Variants in LRRTM4 observed in about 807,000 individuals in gnomAD.
The protein encoded by LRRTM4 is leucine rich repeat transmembrane neuronal 4.
LRRTM4 carries 25 observed loss-of-function variants against 47.6 expected under a neutral mutation model. The ratio of observed to expected loss-of-function variants is 0.53; its 90% CI spans 0.38 to 0.73. The LOEUF is 0.73. Among genes scored for constraint, LRRTM4 ranks in the 30% least tolerant of loss-of-function variants. The pLI is 0.00. For missense variants in LRRTM4, 638 were observed against 713.4 expected (o/e 0.89, Z 1.20); for synonymous variants, 311 against 269.5 (o/e 1.15, Z -1.51).
At chr2:77,267,710 G>T (rs1009189727) in intron 3 of LRRTM4, among the ~76,000 whole-genome samples, 4 of 128,242 alleles carry the variant, frequency 3.1e-5, no homozygotes, top group Non-Finnish European at 5.0e-5. Context: ...ATTTTTTTTT[G>T]ATAATGCTCC....
At chr2:77,437,819 C>A (rs1265203997) in intron 3 of LRRTM4, among the ~76,000 whole-genome samples, 1 of 151,960 alleles carries the variant, frequency 6.6e-6, no homozygotes, top group African/African-American at 2.4e-5. Flanking sequence ...GACCTATTTG[C>A]TGAGTGTTTA....
intron 3 of LRRTM4, among the ~76,000 whole-genome samples, chr2:77,025,825 A>G (rs1414426718): frequency 2.0e-5 from 3 of 152,170 alleles, no homozygotes; most frequent in South Asian, 4.1e-4. Flanking sequence ...CTCATTTTAA[A>G]TGCCATTTTA....
intron 3 of LRRTM4, among the ~76,000 whole-genome samples, chr2:77,250,314 T>C (rs1179994497): frequency 6.6e-6 from 1 of 152,124 alleles, no homozygotes; most frequent in Non-Finnish European, 1.5e-5. Context: ...ATTTTCTTTG[T>C]GTGATAATGA....
intron 3 of LRRTM4, among the ~76,000 whole-genome samples, chr2:77,220,427 G>T (rs923230852): frequency 1.3e-5 from 2 of 152,080 alleles, no homozygotes; most frequent in Non-Finnish European, 2.9e-5. Flanking sequence ...GAGGAAGTTC[G>T]AACCAATGGC....
At chr2:77,294,673 C>A (rs1310777033) in intron 3 of LRRTM4, among the ~76,000 whole-genome samples, 1 of 152,098 alleles carries the variant, frequency 6.6e-6, no homozygotes, top group African/African-American at 2.4e-5. Flanking sequence ...TGGCTCCCTG[C>A]TGCTTAGATT....
At chr2:76,983,605 T>G (rs1676688604) in intron 3 of LRRTM4, among the ~76,000 whole-genome samples, 1 of 152,056 alleles carries the variant, frequency 6.6e-6, no homozygotes, top group South Asian at 2.1e-4. Flanking sequence ...CTGTTTAAAT[T>G]ACAGAGTCTC....
At chr2:77,350,862 T>G (rs1023442074) in intron 3 of LRRTM4, among the ~76,000 whole-genome samples, 2 of 152,208 alleles carry the variant, frequency 1.3e-5, no homozygotes, top group African/African-American at 4.8e-5. Context: ...TTCACTGTAG[T>G]GAAATACCAC....
chr2:76,784,656 G>A (rs1674578039), intron 3 of LRRTM4, among the ~76,000 whole-genome samples: 1 of 152,124 alleles, frequency 6.6e-6, no homozygotes, highest in African/African-American at 2.4e-5. Flanking sequence ...TCAATGTAAT[G>A]TTCTCTTTAT....
intron 3 of LRRTM4, among the ~76,000 whole-genome samples, chr2:76,780,167 C>G (rs186852507): frequency 2.0e-5 from 3 of 152,056 alleles, no homozygotes; most frequent in Admixed American, 1.3e-4. Context: ...GAGGGTAACC[C>G]GACCTTTCTC....
chr2:76,763,615 A>T (rs942944617), intron 3 of LRRTM4, among the ~76,000 whole-genome samples: 4 of 152,232 alleles, frequency 2.6e-5, no homozygotes, highest in Admixed American at 1.3e-4. Context: ...ACATATGAAT[A>T]GAGATTTTGG....
chr2:76,971,729 A>G (rs1676226514), intron 3 of LRRTM4, among the ~76,000 whole-genome samples: 1 of 152,092 alleles, frequency 6.6e-6, no homozygotes, highest in African/African-American at 2.4e-5. Flanking sequence ...ATTTACAAAT[A>G]TTTGCAAAAA....
At chr2:76,807,401 T>C (rs7574473) in intron 3 of LRRTM4, among the ~76,000 whole-genome samples, 1 of 101,834 alleles carries the variant, frequency 9.8e-6, no homozygotes, top group African/African-American at 4.5e-5. Context: ...TATATATATG[T>C]ATATACGTAT....
chr2:77,310,564 G>A (rs1372011253), intron 3 of LRRTM4, among the ~76,000 whole-genome samples: 1 of 152,114 alleles, frequency 6.6e-6, no homozygotes, highest in East Asian at 1.9e-4. Flanking sequence ...CAGTTGTCTG[G>A]AAGGGGGACA....
intron 3 of LRRTM4, among the ~76,000 whole-genome samples, chr2:77,207,027 A>G (rs1038635497): frequency 1.3e-5 from 2 of 151,614 alleles, no homozygotes; most frequent in Admixed American, 1.3e-4. Flanking sequence ...ATTCATGGAT[A>G]ATTTCATACA....
intron 3 of LRRTM4, among the ~76,000 whole-genome samples, chr2:76,797,115 T>C (rs1047622965): frequency 1.8e-4 from 28 of 151,810 alleles, no homozygotes; most frequent in African/African-American, 6.3e-4. Flanking sequence ...ATACAGAGAA[T>C]GCCACAAAGA....
intron 3 of LRRTM4, among the ~76,000 whole-genome samples, chr2:77,005,989 T>C (rs182647012): frequency 1.3e-5 from 2 of 152,168 alleles, no homozygotes; most frequent in South Asian, 4.1e-4. Flanking sequence ...CATAATCACA[T>C]AGCAAATAGA....
intron 3 of LRRTM4, among the ~76,000 whole-genome samples, chr2:76,983,887 C>T (rs1452148730): frequency 6.6e-6 from 1 of 151,980 alleles, no homozygotes; most frequent in Non-Finnish European, 1.5e-5. Flanking sequence ...TGATACTGGG[C>T]CACAAGAAAG....
intron 3 of LRRTM4, among the ~76,000 whole-genome samples, chr2:77,398,027 G>A (rs144696784): frequency 1.3e-3 from 195 of 151,876 alleles, no homozygotes; most frequent in African/African-American, 3.9e-3. Context: ...TCATCTACCC[G>A]TTAGGCTTTA....
At chr2:76,992,318 T>C (rs1168530661) in intron 3 of LRRTM4, among the ~76,000 whole-genome samples, 1 of 151,740 alleles carries the variant, frequency 6.6e-6, no homozygotes, top group African/African-American at 2.4e-5. Flanking sequence ...ATGAAAGGCA[T>C]CCAAATAGAA....
Sources: allele counts gnomAD v4.1 joint callset (sites outside exome capture counted in the v4.1 genomes callset), GRCh38; gene constraint gnomAD v4.1.1; transcripts MANE v1.5; gene names NCBI Gene and HGNC (gene_info 2026-07-23, HGNC 2026-07-21).